Variants in MRPS11 observed in about 807,000 individuals in gnomAD.
The protein encoded by MRPS11 is small ribosomal subunit protein uS11m.
MRPS11 carries 27 observed loss-of-function variants against 24.3 expected under a neutral mutation model. The ratio of observed to expected loss-of-function variants is 1.11; its 90% CI spans 0.82 to 1.53. The LOEUF is 1.53. Among genes scored for constraint, MRPS11 ranks in the 40% most tolerant of loss-of-function variants. MRPS11 has a pLI of 0.00. For synonymous variants in MRPS11, 104 were observed against 98.7 expected, an observed-to-expected ratio of 1.05 and a Z score of -0.32; for missense variants, 277 against 256.5, an observed-to-expected ratio of 1.08 and a Z score of -0.55.
rs551475869 is a variant in MRPS11 at position 88,479,335 on chromosome 15, A to G, written c.*1356A>G. ...AAGGAGTGGTCAAGTACACAAAAGC[A>G]CTGTTCCTCCCAGATGAGTGCAGGA... On this transcript the variant is annotated 3_prime_UTR_variant, in exon 6 of 6. Coordinates refer to ENST00000325844, the MANE Select transcript of MRPS11 (RefSeq NM_022839.5). The G allele has an allele frequency of 6.6e-6, 1 of 152,376 alleles. No homozygotes were observed. Among genetic ancestry groups the G allele is most frequent in the East Asian group, 1.9e-4 (1 of 5,188 alleles). 9.4% of individuals were successfully genotyped at this position (152,376 alleles called of 1,614,324 possible). A position where few individuals can be genotyped will look rare whatever the true frequency, so the allele number is the denominator to read the frequency against.
Position 88,467,901 on chromosome 15 carries a change from T to C in MRPS11, c.66-7T>C. On this transcript the variant is annotated splice_region_variant and splice_polypyrimidine_tract_variant and intron_variant, in intron 1 of 5. Transcript: ENST00000325844. ...GGCCGTGGCCCTCACCGAGCTTTTC[T>C]TCCCAGCAGGGTCGTGGCCAGAACG... The C allele has an allele frequency of 6.2e-7, 1 of 1,613,686 alleles. No homozygotes were observed. The highest frequency in any genetic ancestry group is 8.5e-7 in the Non-Finnish European group (1 of 1,179,888).
intron 3 of MRPS11, 57 bp downstream of exon 3, chr15:88,472,782 G>A (rs2055742553): frequency 7.0e-7 from 1 of 1,425,850 alleles, no homozygotes; most frequent in Non-Finnish European, 9.8e-7. Flanking sequence ...CCACTTCACA[G>A]GGAAAGTCAG....
In MRPS11 at chr15:88,477,614, G is replaced by A. The variant is rs767032082; in HGVS notation, c.478-258G>A. ...CAAGGTCTACAAGAAGTCTTTGTTC[G>A]CAGATCGTAAAGTGCAAAGTGGAAA... On this transcript the variant is annotated intron_variant, in intron 5 of 5. Coordinates refer to ENST00000325844, the MANE Select transcript of MRPS11 (RefSeq NM_022839.5). This position sits in a 1 kb window ranked among gnomAD's most constrained non-coding sequence, Gnocchi z 5.7. 5.3e-5 allele frequency among the ~76,000 whole-genome samples: 8 copies of A among 152,142 alleles called. No individual in the cohort carries two copies. Among genetic ancestry groups the A allele is most frequent in the African/African-American group, 1.4e-4 (6 of 41,430 alleles).
At position 88,478,144 on chromosome 15, in the gene MRPS11, C is replaced by A; in HGVS notation, c.*165C>A. ...CAGTGGCCTTTGCTTGCACCTCCAGCTGGAGATGGGTGTGCCCCAGAAGTA... is the reference window on the plus strand; with the variant it reads ...CAGTGGCCTTTGCTTGCACCTCCAGATGGAGATGGGTGTGCCCCAGAAGTA... On this transcript the variant is annotated 3_prime_UTR_variant, in exon 6 of 6. Transcript: ENST00000325844. The surrounding 1 kb of genome is among the most constrained non-coding windows in gnomAD (Gnocchi z 4.7). 1.6e-6 allele frequency: 1 copy of A among 616,486 alleles called. No homozygotes were observed. The highest frequency in any genetic ancestry group is 2.8e-5 in the Admixed American group (1 of 35,940). The allele number at this position is 616,486 out of a possible 1,614,324, so 38.2% of individuals were successfully genotyped here. A position where few individuals can be genotyped will look rare whatever the true frequency, so the allele number is the denominator to read the frequency against.
At position 88,475,698 on chromosome 15, in the gene MRPS11, G is replaced by A. The variant is rs958617379; in HGVS notation, c.411+459G>A. Among the ~76,000 whole-genome samples the A allele has an allele frequency of 6.6e-6, 1 of 152,142 alleles. No individual in the cohort carries two copies. The highest frequency in any genetic ancestry group is 1.5e-5 in the Non-Finnish European group (1 of 68,028). ...AATAAATTAAAAATAGGCCAGGCGCGATGGCTCACAGTTGTAATCCCAGCA... is the reference window on the plus strand; with the variant it reads ...AATAAATTAAAAATAGGCCAGGCGCAATGGCTCACAGTTGTAATCCCAGCA... On this transcript the variant is annotated intron_variant, in intron 4 of 5. Coordinates refer to ENST00000325844, the MANE Select transcript of MRPS11 (RefSeq NM_022839.5). The surrounding 1 kb of genome is among the most constrained non-coding windows in gnomAD (Gnocchi z 4.1).
In MRPS11 at chr15:88,477,577, C is replaced by T. The variant is rs1481569456; in HGVS notation, c.478-295C>T. 6.6e-6 allele frequency among the ~76,000 whole-genome samples: 1 copy of T among 152,098 alleles called. No homozygotes were observed. Among genetic ancestry groups the T allele is most frequent in the African/African-American group, 2.4e-5 (1 of 41,418 alleles). On this transcript the variant is annotated intron_variant, in intron 5 of 5. Coordinates refer to ENST00000325844, the MANE Select transcript of MRPS11 (RefSeq NM_022839.5). The surrounding 1 kb of genome is among the most constrained non-coding windows in gnomAD (Gnocchi z 5.7). ...CTGAGTAAGCTACAGAAGTATGATACCCAAGGTGTGCCAAGGTCTACAAGA... is the reference window on the plus strand; with the variant it reads ...CTGAGTAAGCTACAGAAGTATGATATCCAAGGTGTGCCAAGGTCTACAAGA...
At position 88,475,246 on chromosome 15, in the gene MRPS11, G is replaced by A. The variant is rs373408153; in HGVS notation, c.411+7G>A. The A allele has an allele frequency of 5.1e-5, 82 of 1,614,034 alleles. No homozygotes were observed. In the African/African-American group the frequency reaches 1.0e-3, roughly 20 times the overall value. ...AGGCATAGCCGCAGCGGCGGTAAGT[G>A]TGTGTTCCTTCTGCTTCCTTCTAGT... On this transcript the variant is annotated splice_region_variant and intron_variant, in intron 4 of 5. Transcript: ENST00000325844. This position sits in a 1 kb window ranked among gnomAD's most constrained non-coding sequence, Gnocchi z 4.1.
At position 88,467,888 on chromosome 15, in the gene MRPS11, C is replaced by T. The variant is rs958214234; in HGVS notation, c.66-20C>T. The stretch of plus-strand genomic sequence containing the variant: ...CCAGTGACCGTTAGGCCGTGGCCCT[C>T]ACCGAGCTTTTCTTCCCAGCAGGGT... On this transcript the variant is annotated intron_variant, in intron 1 of 5. Coordinates refer to ENST00000325844, the MANE Select transcript of MRPS11 (RefSeq NM_022839.5). The T allele has an allele frequency of 1.2e-5, 19 of 1,613,486 alleles. No homozygotes were observed. The highest frequency in any genetic ancestry group is 1.7e-5 in the Admixed American group (1 of 60,002).
chr15:88,468,636 C>T (rs2055609267), intron 2 of MRPS11: 2 of 368,314 alleles, frequency 5.4e-6, no homozygotes, highest in Non-Finnish European at 7.5e-6. Flanking sequence ...TGAGGGAAGA[C>T]AAACATGCAA....
intron 2 of MRPS11, 60 bp downstream of exon 2, chr15:88,468,084 C>G: frequency 6.5e-7 from 1 of 1,541,024 alleles, no homozygotes; most frequent in Non-Finnish European, 8.8e-7. Flanking sequence ...TGCCCGACAC[C>G]CTCCAGAGTC....
In MRPS11 at chr15:88,474,902, T is replaced by TAA. The variant is rs562607707; in HGVS notation, c.282-207_282-206insAA. 647 of 519,404 alleles carry TAA rather than the reference T, an allele frequency of 1.2e-3. 1 individual carries two copies. The highest frequency in any genetic ancestry group is 1.7e-3 in the Non-Finnish European group (504 of 298,716). 32.2% of individuals were successfully genotyped at this position (519,404 alleles called of 1,614,324 possible). ...GGAGCGCTCTTTAAATTATGTGACT[T>TAA]ACCAGTTTTCAGTCAGGTTTAGGGG... On this transcript the variant is annotated intron_variant, in intron 3 of 5. Coordinates refer to ENST00000325844, the MANE Select transcript of MRPS11 (RefSeq NM_022839.5).
chr15:88,472,684 TGA>T lies in MRPS11; in HGVS notation c.242_243del (p.Glu81GlyfsTer8). 1 of 1,614,152 alleles carries T rather than the reference TGA, an allele frequency of 6.2e-7. No individual in the cohort carries two copies. The highest frequency in any genetic ancestry group is 8.5e-7 in the Non-Finnish European group (1 of 1,180,000). ...CTCTGAGGTGGGCAGGAAAGAAATT[TGA>T]GGAGATCCCAATTGCACACATTAAA... ...SSLRWAGKKFEEIPIAHIKAS... is the reference protein window; with the variant it reads ...SSLRWAGKKFXEIPIAHIKAS... On this transcript the variant is annotated frameshift_variant, in exon 3 of 6. Transcript: ENST00000325844. LOFTEE classifies it high-confidence loss of function.
Position 88,478,062 on chromosome 15 carries a change from C to A in MRPS11, c.*83C>A. The A allele has an allele frequency of 9.0e-7, 1 of 1,110,512 alleles. No individual in the cohort carries two copies. Among genetic ancestry groups the A allele is most frequent in the Non-Finnish European group, 1.4e-6 (1 of 731,840 alleles). The allele number at this position is 1,110,512 out of a possible 1,614,324, so 68.8% of individuals were successfully genotyped here. On this transcript the variant is annotated 3_prime_UTR_variant, in exon 6 of 6. Transcript: ENST00000325844. The surrounding 1 kb of genome is among the most constrained non-coding windows in gnomAD (Gnocchi z 4.7). Reference sequence around the variant, plus strand: ...TAAAATGCTCCCTGTCAGAGCTCTCCAGAATATGCTTGTTGGAGATCCTTC... The same window carrying A: ...TAAAATGCTCCCTGTCAGAGCTCTCAAGAATATGCTTGTTGGAGATCCTTC...
In MRPS11 at chr15:88,477,122, A is replaced by T; in HGVS notation, c.477+68A>T. On this transcript the variant is annotated intron_variant, in intron 5 of 5. Coordinates refer to ENST00000325844, the MANE Select transcript of MRPS11 (RefSeq NM_022839.5). This position sits in a 1 kb window ranked among gnomAD's most constrained non-coding sequence, Gnocchi z 5.7. ...GTGTGAGAATTTGGGGCTTGAGAGC[A>T]GAGTACAGGGAGAGTAGAAAACACC... 1 of 1,433,030 alleles carries T rather than the reference A, an allele frequency of 7.0e-7. No homozygotes were observed. Among genetic ancestry groups the T allele is most frequent in the South Asian group, 1.2e-5 (1 of 84,912 alleles). The allele number at this position is 1,433,030 out of a possible 1,614,324, so 88.8% of individuals were successfully genotyped here.
At chr15:88,468,049 C>T (rs768599014) in intron 2 of MRPS11, 25 bp downstream of exon 2, 29 of 1,584,252 alleles carry the variant, frequency 1.8e-5, no homozygotes, top group Non-Finnish European at 2.5e-5. Flanking sequence ...GACCAGCCCT[C>T]TGGAGACCCG....
chr15:88,468,267 T>A, intron 2 of MRPS11: 1 of 1,338,470 alleles, frequency 7.5e-7, no homozygotes, highest in African/African-American at 1.5e-5. Context: ...AATCAATGAG[T>A]GAATGTGAGA....
intron 1 of MRPS11, 42 bp downstream of exon 1, chr15:88,467,824 G>A: frequency 1.2e-6 from 2 of 1,613,594 alleles, no homozygotes; most frequent in South Asian, 1.1e-5. Context: ...CCACCTCCAG[G>A]ACTATGCTCC....
chr15:88,478,004 C>T lies in MRPS11; in HGVS notation c.*25C>T. On this transcript the variant is annotated 3_prime_UTR_variant, in exon 6 of 6. Coordinates refer to ENST00000325844, the MANE Select transcript of MRPS11 (RefSeq NM_022839.5). The surrounding 1 kb of genome is among the most constrained non-coding windows in gnomAD (Gnocchi z 4.7). ...ATGGGAAGGAGGCCTGCACTTGGAC[C>T]TGACCTCAAGCCTCAGCTCCAGTGG... is the stretch of plus-strand genomic sequence containing the variant. The T allele has an allele frequency of 6.3e-7, 1 of 1,589,586 alleles. No individual in the cohort carries two copies. Among genetic ancestry groups the T allele is most frequent in the Non-Finnish European group, 8.6e-7 (1 of 1,157,738 alleles).
At chr15:88,468,050 T>C (rs777959191) in intron 2 of MRPS11, 26 bp downstream of exon 2, 1 of 1,582,832 alleles carries the variant, frequency 6.3e-7, no homozygotes, top group Non-Finnish European at 8.6e-7. Context: ...ACCAGCCCTC[T>C]GGAGACCCGC....
Sources: allele counts gnomAD v4.1 joint callset (sites outside exome capture counted in the v4.1 genomes callset), GRCh38; gene constraint gnomAD v4.1.1; non-coding constraint Gnocchi (gnomAD v3.1); transcripts MANE v1.5; gene names NCBI Gene and HGNC (gene_info 2026-07-23, HGNC 2026-07-21).